The following OIP5 variants were observed in gnomAD, a reference collection of about 807,000 sequenced individuals.
OIP5 encodes the protein Opa interacting protein 5.
Under a neutral mutation model 20.3 loss-of-function variants are expected in OIP5, and 24 were observed. That is an observed-to-expected ratio of 1.18 (90% CI 0.86 to 1.66). The LOEUF (loss-of-function observed/expected upper bound fraction) is 1.66, where lower values mean the gene tolerates loss of function less well. Ranked by LOEUF, OIP5 falls within the 40% of genes most tolerant of loss-of-function variation. OIP5 has a pLI of 0.00. For missense variants in OIP5, 339 were observed against 289.5 expected, an observed-to-expected ratio of 1.17 and a Z score of -1.24; for synonymous variants, 143 against 121.3, an observed-to-expected ratio of 1.18 and a Z score of -1.17.
Position 41,319,671 on chromosome 15 carries a change from C to A in OIP5, c.499G>T (p.Asp167Tyr). ...ALRGHFCLSS[D>Y]KMVCYLLKTK... ...AAGTCTACTCACCACACCATTTTGTCACTGGAAAGGCAGAAGTGACCTCTC... is the reference window on the plus strand; with the variant it reads ...AAGTCTACTCACCACACCATTTTGTAACTGGAAAGGCAGAAGTGACCTCTC... Residue 167 changes from aspartate (D) to tyrosine (Y), a missense_variant, in exon 3 of 5, where the codon GAC becomes TAC. By Grantham distance (160) the Asp-to-Tyr change is radical. Coordinates refer to ENST00000220514, the MANE Select transcript of OIP5 (RefSeq NM_007280.2). 1 of 1,613,120 alleles carries A rather than the reference C, an allele frequency of 6.2e-7. No individual in the cohort carries two copies. The highest frequency in any genetic ancestry group is 8.5e-7 in the Non-Finnish European group (1 of 1,179,636).
chr15:41,324,650 C>CG (rs1364554806), intron 2 of OIP5, among the ~76,000 whole-genome samples: 10 of 152,012 alleles, frequency 6.6e-5, no homozygotes, highest in Non-Finnish European at 1.3e-4. Context: ...CCACCATGCC[C>CG]GGCTAATTTT....
At chr15:41,329,456 T>C (rs145855037) in intron 2 of OIP5, among the ~76,000 whole-genome samples, 150 of 150,990 alleles carry the variant, frequency 9.9e-4, no homozygotes, top group African/African-American at 3.3e-3. Context: ...GCTGGGACTA[T>C]AGGCGCTTGC....
At chr15:41,330,265 A>G (rs2140468365) in intron 2 of OIP5, among the ~76,000 whole-genome samples, 1 of 149,906 alleles carries the variant, frequency 6.7e-6, no homozygotes, top group South Asian at 2.1e-4. Flanking sequence ...ATGCCCGGCT[A>G]ATTTTGTATT....
At chr15:41,316,421 G>A (rs1377838319) in intron 3 of OIP5, among the ~76,000 whole-genome samples, 1 of 151,822 alleles carries the variant, frequency 6.6e-6, no homozygotes, top group Non-Finnish European at 1.5e-5. Flanking sequence ...GCAACCCATG[G>A]TAAAGGACTG....
At chr15:41,311,142 T>C (rs1595497771) in intron 4 of OIP5, among the ~76,000 whole-genome samples, 1 of 152,122 alleles carries the variant, frequency 6.6e-6, no homozygotes, top group African/African-American at 2.4e-5. Flanking sequence ...CCGAGGCGGG[T>C]GGGTCACCTG....
intron 3 of OIP5, among the ~76,000 whole-genome samples, chr15:41,317,364 G>C (rs1313960363): frequency 1.3e-5 from 2 of 151,142 alleles, no homozygotes; most frequent in African/African-American, 4.9e-5. Context: ...CTTAGTTTGG[G>C]TCAGGTATCC....
intron 2 of OIP5, among the ~76,000 whole-genome samples, chr15:41,328,523 A>C (rs1242543529): frequency 6.6e-6 from 1 of 152,234 alleles, no homozygotes; most frequent in Non-Finnish European, 1.5e-5. Context: ...TAAAAAAGCT[A>C]TTTCTAAGTG....
Position 41,329,246 on chromosome 15 carries a change from C to T in OIP5, c.389+2669G>A, listed in dbSNP as rs2047881828. On this transcript the variant is annotated intron_variant, in intron 2 of 4. Coordinates refer to ENST00000220514, the MANE Select transcript of OIP5 (RefSeq NM_007280.2). ...TCTTGAGCTGTGCCATTTCATAACC[C>T]TCTTCGTAAGTCCCATATAGCTCAT... 2.0e-5 allele frequency among the ~76,000 whole-genome samples: 3 copies of T among 151,702 alleles called. No individual in the cohort carries two copies. The South Asian group carries it at 6.3e-4, about 32-fold the overall frequency.
intron 3 of OIP5, among the ~76,000 whole-genome samples, chr15:41,317,239 AATAGCTATCCCATAC>A (rs2047793759): frequency 6.6e-6 from 1 of 152,192 alleles, no homozygotes; most frequent in East Asian, 1.9e-4. Flanking sequence ...TCACATGGGA[AATAGCTATCCCATAC>A]ATAGAGCTTT....
At chr15:41,320,919 A>G (rs1385295805) in intron 2 of OIP5, among the ~76,000 whole-genome samples, 3 of 134,018 alleles carry the variant, frequency 2.2e-5, no homozygotes, top group Non-Finnish European at 3.1e-5. Flanking sequence ...GATGTGGGGA[A>G]CGCCTCTGCC....
chr15:41,320,423 A>G (rs899728889), intron 2 of OIP5, among the ~76,000 whole-genome samples: 6 of 147,104 alleles, frequency 4.1e-5, no homozygotes, highest in Non-Finnish European at 7.5e-5. Flanking sequence ...GATTGCAGGC[A>G]CGCGCCGCCA....
rs767973667 is a variant in OIP5 at position 41,332,237 on chromosome 15, C to A, written c.322+3G>T. 3 of 1,541,658 alleles carry A rather than the reference C, an allele frequency of 1.9e-6. No homozygotes were observed. Among genetic ancestry groups the A allele is most frequent in the Non-Finnish European group, 2.6e-6 (3 of 1,146,738 alleles). ...CCTTTCCCGAACGCTTCACTGCACT[C>A]ACTGGAGAAGACCACGGCCCCGAGG... On this transcript the variant is annotated splice_donor_region_variant and intron_variant, in intron 1 of 4. Coordinates refer to ENST00000220514, the MANE Select transcript of OIP5 (RefSeq NM_007280.2).
chr15:41,319,660 C>T lies in OIP5; in HGVS notation c.510G>A (p.Val170=), dbSNP rs111625807. ...GHFCLSSDKM[V]CYLLKTKAIV... The stretch of plus-strand genomic sequence containing the variant: ...GATCAATATCTAAGTCTACTCACCA[C>T]ACCATTTTGTCACTGGAAAGGCAGA... The change falls in exon 3 of 5, where the codon GTG becomes GTA. Residue 170 remains valine, a splice_region_variant and synonymous_variant. Coordinates refer to ENST00000220514, the MANE Select transcript of OIP5 (RefSeq NM_007280.2). 6.9e-5 allele frequency: 112 copies of T among 1,612,526 alleles called. 1 individual carries two copies. In the African/African-American group the frequency reaches 1.1e-3, roughly 16 times the overall value.
At chr15:41,326,405 G>A (rs373568746) in intron 2 of OIP5, among the ~76,000 whole-genome samples, 2 of 152,066 alleles carry the variant, frequency 1.3e-5, no homozygotes, top group African/African-American at 4.8e-5. Flanking sequence ...CATGTGTATA[G>A]TCTGTGGCTC....
chr15:41,328,683 A>G (rs1040904450), intron 2 of OIP5, among the ~76,000 whole-genome samples: 2 of 152,176 alleles, frequency 1.3e-5, no homozygotes, highest in African/African-American at 4.8e-5. Context: ...GAATGTTTAA[A>G]TAAATGTCGG....
chr15:41,327,591 C>T (rs974133717), intron 2 of OIP5, among the ~76,000 whole-genome samples: 55 of 151,652 alleles, frequency 3.6e-4, no homozygotes, highest in African/African-American at 1.3e-3. Flanking sequence ...AGATTAAGAC[C>T]ATCCTGGCCA....
intron 2 of OIP5, among the ~76,000 whole-genome samples, chr15:41,330,789 G>A (rs1300047444): frequency 6.6e-6 from 1 of 152,150 alleles, no homozygotes; most frequent in Non-Finnish European, 1.5e-5. Context: ...ATATCTCAAT[G>A]CAGATTTAAT....
chr15:41,315,413 A>G (rs2047783574), intron 3 of OIP5, among the ~76,000 whole-genome samples: 1 of 150,616 alleles, frequency 6.6e-6, no homozygotes, highest in Admixed American at 6.7e-5. Context: ...TGGGTGACAG[A>G]GCAAGACTCT....
At chr15:41,323,989 T>C (rs2047845945) in intron 2 of OIP5, among the ~76,000 whole-genome samples, 1 of 137,760 alleles carries the variant, frequency 7.3e-6, no homozygotes, top group Admixed American at 7.2e-5. Context: ...CCTCTGCTTT[T>C]TTTTTTTTTT....
Sources: allele counts gnomAD v4.1 joint callset (sites outside exome capture counted in the v4.1 genomes callset), GRCh38; gene constraint gnomAD v4.1.1; transcripts MANE v1.5; gene names NCBI Gene and HGNC (gene_info 2026-07-23, HGNC 2026-07-21).